The following IQCM variants were observed in gnomAD, a reference collection of about 807,000 sequenced individuals.
The protein encoded by IQCM is IQ domain-containing protein M.
In IQCM, 45 loss-of-function variants were observed where a neutral mutation model predicts 57.6. The ratio of observed to expected loss-of-function variants is 0.78; its 90% CI spans 0.62 to 1.00. The LOEUF (loss-of-function observed/expected upper bound fraction) is 1.00, where lower values mean the gene tolerates loss of function less well. IQCM is among the 50% of genes least tolerant of loss of function. The pLI is 0.00. For missense variants in IQCM, 468 were observed against 511.6 expected, an observed-to-expected ratio of 0.91 and a Z score of 0.82; for synonymous variants, 148 against 158.9, an observed-to-expected ratio of 0.93 and a Z score of 0.51.
At chr4:149,640,086 C>T (rs953711967) in intron 7 of IQCM, among the ~76,000 whole-genome samples, 1 of 152,124 alleles carries the variant, frequency 6.6e-6, no homozygotes, top group African/African-American at 2.4e-5. Context: ...TCAAAGTATA[C>T]TGAGAATCAA....
intron 13 of IQCM, among the ~76,000 whole-genome samples, chr4:149,400,834 A>G (rs947405096): frequency 6.6e-5 from 10 of 151,986 alleles, no homozygotes; most frequent in Admixed American, 1.3e-4. Context: ...TTATTAATGG[A>G]AAAGAAATTA....
intron 10 of IQCM, 87 bp downstream of exon 10, chr4:149,563,605 C>T: frequency 3.3e-6 from 3 of 915,688 alleles, no homozygotes; most frequent in Non-Finnish European, 4.3e-6. Flanking sequence ...AAAGTATGTA[C>T]ATTGACCAGA....
intron 13 of IQCM, among the ~76,000 whole-genome samples, chr4:149,428,968 T>C (rs1734639042): frequency 6.6e-6 from 1 of 151,868 alleles, no homozygotes; most frequent in East Asian, 1.9e-4. Flanking sequence ...AGTAATATAA[T>C]AACACCATTT....
At chr4:149,564,400 C>T (rs1035275476) in intron 9 of IQCM, among the ~76,000 whole-genome samples, 7 of 152,260 alleles carry the variant, frequency 4.6e-5, no homozygotes, top group East Asian at 3.9e-4. Flanking sequence ...ATACTGCAAA[C>T]GATGACCAGT....
intron 2 of IQCM, among the ~76,000 whole-genome samples, chr4:149,760,678 TTA>T (rs1182782588): frequency 6.6e-6 from 1 of 151,970 alleles, no homozygotes; most frequent in African/African-American, 2.4e-5. Context: ...ATATTCATGT[TTA>T]TATATATATT....
intron 9 of IQCM, among the ~76,000 whole-genome samples, chr4:149,575,835 G>A (rs72957408): frequency 0.016 from 2,206 of 139,756 alleles, 35 homozygotes; most frequent in African/African-American, 0.046. Context: ...ATCAGGCATG[G>A]GTGCAGGAGG....
chr4:149,455,970 G>T (rs926745576), intron 12 of IQCM, among the ~76,000 whole-genome samples: 2 of 151,712 alleles, frequency 1.3e-5, no homozygotes, highest in Non-Finnish European at 2.9e-5. Flanking sequence ...ATGAGACCTT[G>T]TGTCTTAAAA....
At chr4:149,798,394 C>A (rs553910317) in intron 2 of IQCM, among the ~76,000 whole-genome samples, 6 of 151,958 alleles carry the variant, frequency 3.9e-5, no homozygotes, top group Admixed American at 3.3e-4. Flanking sequence ...CAGAGAAAAT[C>A]ACCTTCACTA....
At chr4:149,677,140 C>T (rs945020115) in intron 7 of IQCM, among the ~76,000 whole-genome samples, 7 of 152,064 alleles carry the variant, frequency 4.6e-5, no homozygotes, top group African/African-American at 1.7e-4. Context: ...AGCTTATTCA[C>T]CATCTTGGGT....
At chr4:149,591,323 C>A (rs1031965558) in intron 8 of IQCM, among the ~76,000 whole-genome samples, 1 of 151,986 alleles carries the variant, frequency 6.6e-6, no homozygotes, top group Non-Finnish European at 1.5e-5. Context: ...AAACCATAAA[C>A]CTTTAGCCTT....
chr4:149,380,786 T>G (rs1731025435), intron 13 of IQCM, among the ~76,000 whole-genome samples: 1 of 152,164 alleles, frequency 6.6e-6, no homozygotes, highest in Non-Finnish European at 1.5e-5. Flanking sequence ...CCAATTGACA[T>G]TCTACATCTT....
chr4:149,407,019 G>C (rs11938009), intron 13 of IQCM, among the ~76,000 whole-genome samples: 11 of 151,396 alleles, frequency 7.3e-5, no homozygotes, highest in Non-Finnish European at 8.8e-5. Flanking sequence ...GGTGGAAGGC[G>C]AAAGGCACGT....
intron 8 of IQCM, among the ~76,000 whole-genome samples, chr4:149,620,002 CA>C (rs760676193): frequency 6.6e-6 from 1 of 151,922 alleles, no homozygotes; most frequent in Non-Finnish European, 1.5e-5. Context: ...ACTAAAAATA[CA>C]AAAATTATCC....
chr4:149,660,240 A>G (rs1303265602), intron 7 of IQCM, among the ~76,000 whole-genome samples: 1 of 151,946 alleles, frequency 6.6e-6, no homozygotes, highest in South Asian at 2.1e-4. Flanking sequence ...AATGCTCACC[A>G]TCACTGGCCA....
At chr4:149,622,147 C>T (rs1756394781) in intron 7 of IQCM, among the ~76,000 whole-genome samples, 1 of 152,060 alleles carries the variant, frequency 6.6e-6, no homozygotes, top group African/African-American at 2.4e-5. Context: ...AATGAAGTAA[C>T]ATAAAATAAT....
chr4:149,612,428 T>G (rs1755380089), intron 8 of IQCM, among the ~76,000 whole-genome samples: 1 of 152,186 alleles, frequency 6.6e-6, no homozygotes. Context: ...CTGAGGTCTT[T>G]TTTGTCACAC....
intron 2 of IQCM, among the ~76,000 whole-genome samples, chr4:149,795,375 G>A (rs774844733): frequency 2.0e-5 from 3 of 152,092 alleles, no homozygotes; most frequent in African/African-American, 7.2e-5. Flanking sequence ...GCTAACAGCC[G>A]CCGAAAGAGG....
chr4:149,421,804 G>T (rs763132066), intron 13 of IQCM, among the ~76,000 whole-genome samples: 2 of 151,940 alleles, frequency 1.3e-5, no homozygotes, highest in Non-Finnish European at 2.9e-5. Flanking sequence ...AGATTTACAT[G>T]CCTGTTTAAT....
intron 7 of IQCM, among the ~76,000 whole-genome samples, chr4:149,675,644 A>T (rs1178693091): frequency 6.6e-6 from 1 of 152,008 alleles, no homozygotes; most frequent in Non-Finnish European, 1.5e-5. Context: ...GATCGCAGGT[A>T]CCCTGGAAGT....
Sources: gnomAD v4.1 joint callset for allele counts (sites outside exome capture counted in the v4.1 genomes callset) on GRCh38, gnomAD v4.1.1 for gene constraint, MANE v1.5 for transcripts, NCBI Gene and HGNC (gene_info 2026-07-23, HGNC 2026-07-21) for gene names.